ESR1: variants seen among roughly 807,000 people sequenced by gnomAD.
ESR1 encodes the protein estrogen receptor.
In ESR1, 12 loss-of-function variants were observed where a neutral mutation model predicts 52.7. The ratio of observed to expected loss-of-function variants is 0.23; its 90% CI spans 0.15 to 0.37. The LOEUF (loss-of-function observed/expected upper bound fraction) is 0.37, where lower values mean the gene tolerates loss of function less well. ESR1 is among the 10% of genes least tolerant of loss of function. The probability of loss-of-function intolerance (pLI) is 1.00; values close to 1 mark genes in which losing one functional copy is unlikely to be tolerated. For synonymous variants in ESR1, 305 were observed against 316.8 expected (o/e 0.96, Z 0.39); for missense variants, 584 against 779.7 (o/e 0.75, Z 2.99).
chr6:151,752,203 G>C (rs1783951205), intron 2 of ESR1, among the ~76,000 whole-genome samples: 1 of 152,186 alleles, frequency 6.6e-6, no homozygotes, highest in Non-Finnish European at 1.5e-5. Flanking sequence ...TGCACCTGCA[G>C]TTACTAGGAA....
At chr6:151,781,903 T>A (rs1383509915) in intron 2 of ESR1, among the ~76,000 whole-genome samples, 1 of 152,250 alleles carries the variant, frequency 6.6e-6, no homozygotes, top group Non-Finnish European at 1.5e-5. Flanking sequence ...AATGATTTTA[T>A]TGTTACTCTG....
intron 2 of ESR1, among the ~76,000 whole-genome samples, chr6:151,741,188 C>T (rs1006354082): frequency 6.6e-6 from 1 of 152,170 alleles, no homozygotes; most frequent in African/African-American, 2.4e-5. Flanking sequence ...GTCTTCTCCT[C>T]CCCTTCCCTG....
chr6:152,120,468 C>T (rs2051290979), intron 6 of ESR1, among the ~76,000 whole-genome samples: 1 of 152,138 alleles, frequency 6.6e-6, no homozygotes, highest in Admixed American at 6.5e-5. Context: ...ATCGTGTTCC[C>T]TGTGGAACAC....
rs566066201 is a variant in ESR1 at position 151,939,962 on chromosome 6, T to C, written c.761-4211T>C. ...TATACTTCATAGGGACTTTGGAATT[T>C]GGAAAATATCGTTCATTTAGGGTAT... On this transcript the variant is annotated intron_variant, in intron 3 of 7. Coordinates refer to ENST00000206249, the MANE Select transcript of ESR1 (RefSeq NM_000125.4). Among the ~76,000 whole-genome samples, 8 of 152,294 alleles carry C rather than the reference T, an allele frequency of 5.3e-5. No individual in the cohort carries two copies. In the South Asian group the frequency reaches 1.7e-3, roughly 32 times the overall value.
At position 152,013,526 on chromosome 6, in the gene ESR1, A is replaced by G. The variant is rs542246519; in HGVS notation, c.1235+1732A>G. ...GGTACACAGTGATGTTTTGATACATATAATGTGTGGTGATCTTATCTATCT... is the reference window on the plus strand; with the variant it reads ...GGTACACAGTGATGTTTTGATACATGTAATGTGTGGTGATCTTATCTATCT... On this transcript the variant is annotated intron_variant, in intron 5 of 7. Coordinates refer to ENST00000206249, the MANE Select transcript of ESR1 (RefSeq NM_000125.4). 4.6e-5 allele frequency among the ~76,000 whole-genome samples: 7 copies of G among 152,280 alleles called. 1 individual carries two copies. In the South Asian group the frequency reaches 1.2e-3, roughly 27 times the overall value.
intron 6 of ESR1, among the ~76,000 whole-genome samples, chr6:152,065,295 C>A (rs573781374): frequency 6.6e-5 from 10 of 152,054 alleles, no homozygotes; most frequent in African/African-American, 2.2e-4. Context: ...GTTGAGAGAC[C>A]CTGATGAAAA....
At chr6:151,942,427 T>C (rs994735019) in intron 3 of ESR1, among the ~76,000 whole-genome samples, 2 of 152,168 alleles carry the variant, frequency 1.3e-5, no homozygotes, top group Non-Finnish European at 2.9e-5. Flanking sequence ...ACTTACAAGA[T>C]TATTGTGAGA....
Position 151,995,537 on chromosome 6 carries a change from T to A in ESR1, c.1097-16119T>A, listed in dbSNP as rs565592852. Among the ~76,000 whole-genome samples the A allele has an allele frequency of 8.5e-5, 13 of 152,318 alleles. No individual in the cohort carries two copies. The South Asian group carries it at 2.3e-3, about 27-fold the overall frequency. On this transcript the variant is annotated intron_variant, in intron 4 of 7. Transcript: ENST00000206249. ...GTAAAATTATGACTTAAGATATACATCAGATATTTGAAAAAGATATTTTTA... is the reference window on the plus strand; with the variant it reads ...GTAAAATTATGACTTAAGATATACAACAGATATTTGAAAAAGATATTTTTA...
chr6:152,092,326 A>G (rs980620014), intron 6 of ESR1, among the ~76,000 whole-genome samples: 2 of 152,234 alleles, frequency 1.3e-5, no homozygotes, highest in Admixed American at 6.5e-5. Context: ...CTGCATGGAA[A>G]CCAAGATCCC....
chr6:151,927,212 T>C (rs2032890840), intron 3 of ESR1, among the ~76,000 whole-genome samples: 1 of 152,224 alleles, frequency 6.6e-6, no homozygotes, highest in Non-Finnish European at 1.5e-5. Context: ...TCATGATGTA[T>C]AATTTATTTT....
At chr6:151,779,289 C>T (rs1786303210) in intron 2 of ESR1, among the ~76,000 whole-genome samples, 1 of 152,142 alleles carries the variant, frequency 6.6e-6, no homozygotes, top group Non-Finnish European at 1.5e-5. Flanking sequence ...AGGAAGGGGT[C>T]CAGTTTCAGT....
intron 5 of ESR1, among the ~76,000 whole-genome samples, chr6:152,040,244 C>T (rs185982799): frequency 5.9e-5 from 9 of 152,230 alleles, no homozygotes; most frequent in East Asian, 5.8e-4. Flanking sequence ...TTGCTGAGCC[C>T]GTGCGTAACC....
rs959804183 is a variant in ESR1 at position 152,101,073 on chromosome 6, G to A, written c.*2107G>A. On this transcript the variant is annotated 3_prime_UTR_variant, in exon 8 of 8. Transcript: ENST00000206249. ...TTTTGTATACTTTTCAAGCTACCTT[G>A]TCATGTATACAGTCATTTATGCCTA... is the stretch of plus-strand genomic sequence containing the variant. The A allele has an allele frequency of 1.3e-5, 2 of 158,206 alleles. No individual in the cohort carries two copies. The highest frequency in any genetic ancestry group is 7.0e-5 in the African/African-American group (2 of 28,754). The allele number at this position is 158,206 out of a possible 1,614,324, so 9.8% of individuals were successfully genotyped here.
intron 2 of ESR1, among the ~76,000 whole-genome samples, chr6:151,723,893 C>G (rs1046151366): frequency 1.3e-5 from 2 of 151,908 alleles, no homozygotes; most frequent in African/African-American, 4.8e-5. Context: ...AACAAAAGAA[C>G]AGTGCTGGTA....
chr6:152,026,977 T>A (rs1358496708), intron 5 of ESR1, among the ~76,000 whole-genome samples: 9 of 152,132 alleles, frequency 5.9e-5, no homozygotes, highest in Admixed American at 2.0e-4. Context: ...TCTCTTTTTT[T>A]TTTTTTGAGG....
At chr6:151,755,775 T>A (rs1784238724) in intron 2 of ESR1, among the ~76,000 whole-genome samples, 2 of 152,026 alleles carry the variant, frequency 1.3e-5, no homozygotes, top group South Asian at 4.1e-4. Context: ...GGATTATAGG[T>A]GCCAGCCACC....
intron 3 of ESR1, among the ~76,000 whole-genome samples, chr6:151,915,342 T>C (rs2029869046): frequency 6.6e-6 from 1 of 152,180 alleles, no homozygotes; most frequent in South Asian, 2.1e-4. Context: ...CTGTGAAAAA[T>C]ACTAATTATT....
chr6:152,118,319 A>T (rs887978113), intron 6 of ESR1: 7 of 152,164 alleles, frequency 4.6e-5, no homozygotes, highest in African/African-American at 1.7e-4. Context: ...CCCACTGGTG[A>T]CTGCTTTTAA....
chr6:151,697,688 C>T lies in ESR1; in HGVS notation c.-201-4187C>T, dbSNP rs151066746. On this transcript the variant is annotated intron_variant, in intron 1 of 2. Coordinates refer to the ESR1 transcript ENST00000404742. ...TACTGAATAAGTCTTTTATTTTTAA[C>T]ACCTCATTTCCCTCACAAAATGGAT... Among the ~76,000 whole-genome samples, 35 of 152,282 alleles carry T rather than the reference C, an allele frequency of 2.3e-4. No individual in the cohort carries two copies. The East Asian group carries it at 6.4e-3, about 28-fold the overall frequency.
Sources: allele counts gnomAD v4.1 joint callset (sites outside exome capture counted in the v4.1 genomes callset), GRCh38; gene constraint gnomAD v4.1.1; transcripts MANE v1.5; gene names NCBI Gene and HGNC (gene_info 2026-07-23, HGNC 2026-07-21).